The following SH3TC2 variants were observed in gnomAD, a reference collection of about 807,000 sequenced individuals.
SH3TC2 encodes the protein SH3 domain and tetratricopeptide repeats 2, also known as SH3 domain and tetratricopeptide repeat-containing protein 2.
Under a neutral mutation model 124.5 loss-of-function variants are expected in SH3TC2, and 87 were observed. The ratio of observed to expected loss-of-function variants is 0.70; its 90% confidence interval spans 0.59 to 0.84. The LOEUF (loss-of-function observed/expected upper bound fraction) is 0.84. Among genes scored for constraint, SH3TC2 ranks in the 40% least tolerant of loss-of-function variants. The probability of loss-of-function intolerance (pLI) is 0.00; values close to 1 mark genes in which losing one functional copy is unlikely to be tolerated. For missense variants in SH3TC2, 1,536 were observed against 1,566.4 expected (o/e 0.98, Z 0.33); for synonymous variants, 634 against 628.5 (o/e 1.01, Z -0.13).
chr5:149,050,455 AT>A (rs1754537586), intron 2 of SH3TC2, among the ~76,000 whole-genome samples: 1 of 152,198 alleles, frequency 6.6e-6, no homozygotes, highest in Admixed American at 6.5e-5. Flanking sequence ...ATGCTGAAAG[AT>A]GGACAAGTTC....
At chr5:149,023,380 A>G (rs1313952574) in intron 12 of SH3TC2, among the ~76,000 whole-genome samples, 1 of 152,178 alleles carries the variant, frequency 6.6e-6, no homozygotes, top group South Asian at 2.1e-4. Flanking sequence ...CATTTATGTA[A>G]CTAAAACGTG....
At position 148,982,828 on chromosome 5, in the gene SH3TC2, T is replaced by C. The variant is rs1025424602; in HGVS notation, c.*21883A>G. ...TCATTTGGGAATCATGAGAATTCAT[T>C]ATTTGTTCATATAGATTACTTAAAA... On this transcript the variant is annotated 3_prime_UTR_variant, in exon 17 of 17. Transcript: ENST00000515425. Among the ~76,000 whole-genome samples, 11 of 152,370 alleles carry C rather than the reference T, an allele frequency of 7.2e-5. No individual in the cohort carries two copies. The highest frequency in any genetic ancestry group is 3.4e-3 in the Middle Eastern group (1 of 294).
chr5:149,048,104 T>G, intron 2 of SH3TC2, 115 bp from the exon 3 acceptor site: 1 of 1,417,714 alleles, frequency 7.1e-7, no homozygotes, highest in Non-Finnish European at 9.9e-7. Context: ...ACTGGTGTCC[T>G]CATTAGTTAC....
rs1175088563 is a variant in SH3TC2, at chr5:148,984,451, T to C, written c.*20260A>G. Among the ~76,000 whole-genome samples the C allele has an allele frequency of 6.6e-6, 1 of 152,116 alleles. No homozygotes were observed. Among genetic ancestry groups the C allele is most frequent in the Non-Finnish European group, 1.5e-5 (1 of 68,016 alleles). The stretch of plus-strand genomic sequence containing the variant: ...CTCCACTTGACTTATAGTGACTTCC[T>C]GAAGAACTATATTGGGAAAAACCCT... On this transcript the variant is annotated 3_prime_UTR_variant, in exon 17 of 17. Coordinates refer to ENST00000515425, the MANE Select transcript of SH3TC2 (RefSeq NM_024577.4).
chr5:149,014,628 G>A (rs1753840214), intron 12 of SH3TC2, among the ~76,000 whole-genome samples: 1 of 152,112 alleles, frequency 6.6e-6, no homozygotes, highest in Non-Finnish European at 1.5e-5. Flanking sequence ...GAGATTTATT[G>A]ACATCCCAAT....
chr5:149,052,800 AAAG>A (rs1299421822), intron 1 of SH3TC2, among the ~76,000 whole-genome samples: 1 of 152,216 alleles, frequency 6.6e-6, no homozygotes, highest in Non-Finnish European at 1.5e-5. Flanking sequence ...AAAGAAGAAG[AAAG>A]AAGATCAAGA....
At position 149,026,869 on chromosome 5, in the gene SH3TC2, G is replaced by A. The variant is rs1407817921; in HGVS notation, c.2863C>T (p.His955Tyr). 1.2e-6 allele frequency: 2 copies of A among 1,614,068 alleles called. No homozygotes were observed. The highest frequency in any genetic ancestry group is 1.7e-5 in the Admixed American group (1 of 60,008). The change falls in exon 11 of 17, where the codon CAT becomes TAT. Residue 955 changes from histidine to tyrosine, a missense_variant. Coordinates refer to ENST00000515425, the MANE Select transcript of SH3TC2 (RefSeq NM_024577.4). Reference sequence around the variant, plus strand: ...CATGGGACATACTTACTCTTTAGATGTCGATGCCTTAAGCCAAACAGCAAT... The same window carrying A: ...CATGGGACATACTTACTCTTTAGATATCGATGCCTTAAGCCAAACAGCAAT... ...MALLFGLRHR[H>Y]LKSQLQATKS...
At chr5:149,048,848 T>A (rs969422776) in intron 2 of SH3TC2, among the ~76,000 whole-genome samples, 1 of 152,350 alleles carries the variant, frequency 6.6e-6, no homozygotes, top group South Asian at 2.1e-4. Flanking sequence ...AGAAAGGCCA[T>A]ACTGAGGAGG....
chr5:149,052,277 T>C (rs1221170389), intron 1 of SH3TC2, 37 bp from the exon 2 acceptor site: 1 of 1,526,044 alleles, frequency 6.6e-7, no homozygotes, highest in Non-Finnish European at 9.1e-7. Context: ...CTTAAGAGTG[T>C]AAGGAAGTTG....
At position 149,027,398 on chromosome 5, in the gene SH3TC2, G is replaced by C. The variant is rs777362574; in HGVS notation, c.2334C>G (p.His778Gln). ...CTAGCACCAAGGCCTGGCTCAGGTA[G>C]TGGATGGCACCGTCAGGAGACCTGT... ...LEHRSPDGAI[H>Q]YLSQALVLGQ... The change falls in exon 11 of 17, where the codon CAC becomes CAG. Residue 778 changes from histidine to glutamine, a missense_variant. His to Gln is a conservative substitution (Grantham distance 24, BLOSUM62 0). Around this residue, in one of 3 missense-constraint regions of SH3TC2, gnomAD observed 1,102 missense variants for 1,098.6 expected, o/e 1.00. Transcript: ENST00000515425. 1.9e-6 allele frequency: 3 copies of C among 1,614,050 alleles called. No individual in the cohort carries two copies. In the East Asian group the frequency reaches 6.7e-5, roughly 36 times the overall value.
Position 149,031,728 on chromosome 5 carries a change from G to T in SH3TC2, c.1002-41C>A, listed in dbSNP as rs368991153. 4.2e-5 allele frequency: 67 copies of T among 1,612,210 alleles called. No homozygotes were observed. In the African/African-American group the frequency reaches 7.9e-4, roughly 19 times the overall value. On this transcript the variant is annotated intron_variant, in intron 8 of 16. Transcript: ENST00000515425. ...AAACACAGAGACAGATTACTGCAAG[G>T]CTTCAGACTCCATCTCCTCTTCTCT...
intron 7 of SH3TC2, 148 bp from the exon 8 acceptor site, chr5:149,038,638 G>T: frequency 1.2e-6 from 1 of 835,792 alleles, no homozygotes; most frequent in Non-Finnish European, 2.0e-6. Context: ...CCCAAAAATT[G>T]GCAGGAATGA....
At chr5:149,056,885 T>G (rs973209923) in intron 1 of SH3TC2, among the ~76,000 whole-genome samples, 4 of 152,170 alleles carry the variant, frequency 2.6e-5, no homozygotes, top group African/African-American at 9.7e-5. Flanking sequence ...CAAAAAACTG[T>G]CATATAGAAT....
chr5:148,987,199 G>T lies in SH3TC2; in HGVS notation c.*17512C>A, dbSNP rs1417510401. ...TTTTAACCACTGTAACCCCTCTGTG[G>T]GGAGAGGAGAAAAAGCACATTTTTG... On this transcript the variant is annotated 3_prime_UTR_variant, in exon 17 of 17. Coordinates refer to ENST00000515425, the MANE Select transcript of SH3TC2 (RefSeq NM_024577.4). 3.3e-5 allele frequency among the ~76,000 whole-genome samples: 5 copies of T among 152,142 alleles called. No individual in the cohort carries two copies. The highest frequency in any genetic ancestry group is 1.2e-4 in the African/African-American group (5 of 41,436).
At chr5:149,011,264 G>A (rs1753778654) in intron 13 of SH3TC2, among the ~76,000 whole-genome samples, 1 of 151,612 alleles carries the variant, frequency 6.6e-6, no homozygotes, top group South Asian at 2.1e-4. Flanking sequence ...TGCTGCAGTT[G>A]CTGTGTTATT....
At chr5:149,058,472 T>C (rs1393154656) in intron 1 of SH3TC2, among the ~76,000 whole-genome samples, 1 of 152,212 alleles carries the variant, frequency 6.6e-6, no homozygotes, top group Non-Finnish European at 1.5e-5. Context: ...ACATGCTTAT[T>C]AGTCATCTAC....
chr5:149,035,786 T>A (rs1664032328), intron 8 of SH3TC2: 1 of 152,200 alleles, frequency 6.6e-6, no homozygotes, highest in African/African-American at 2.4e-5. Context: ...TGCTCTTCAG[T>A]GTGAGAGGAC....
At position 149,026,757 on chromosome 5, in the gene SH3TC2, A is replaced by T; in HGVS notation, c.2873-5T>A. The T allele has an allele frequency of 6.2e-7, 1 of 1,614,216 alleles. No individual in the cohort carries two copies. Among genetic ancestry groups the T allele is most frequent in the Non-Finnish European group, 8.5e-7 (1 of 1,180,038 alleles). ...ATTTGGTGGCCTGAAGCTGACCTGA[A>T]CACAAAGCAGGGACATGAATGAGAT... On this transcript the variant is annotated splice_polypyrimidine_tract_variant and splice_region_variant and intron_variant, in intron 11 of 16. Transcript: ENST00000515425.
Position 149,032,892 on chromosome 5 carries a change from TC to T in SH3TC2, c.1002-1206del, listed in dbSNP as rs558703613. On this transcript the variant is annotated intron_variant, in intron 8 of 16. Coordinates refer to ENST00000515425, the MANE Select transcript of SH3TC2 (RefSeq NM_024577.4). ...CATCTCCCTGGGCTGATCGCCAGAT[TC>T]CCCCCAACACCACGGAAGCTTCTAA... is the stretch of plus-strand genomic sequence containing the variant. 6.6e-5 allele frequency among the ~76,000 whole-genome samples: 10 copies of T among 152,120 alleles called. No individual in the cohort carries two copies. The East Asian group carries it at 1.9e-3, about 29-fold the overall frequency.
Sources: allele counts gnomAD v4.1 joint callset (sites outside exome capture counted in the v4.1 genomes callset), GRCh38; gene constraint gnomAD v4.1.1; regional missense constraint gnomAD v4.1.1; transcripts MANE v1.5; gene names NCBI Gene and HGNC (gene_info 2026-07-23, HGNC 2026-07-21).